The following FXYD1 variants were observed in gnomAD, a reference collection of about 807,000 sequenced individuals.
FXYD1 encodes FXYD domain containing ion transport regulator 1.
FXYD1 carries 9 observed loss-of-function variants against 17.2 expected under a neutral mutation model. The observed-to-expected ratio is 0.52, with a 90% CI of 0.32 to 0.91. FXYD1 has a LOEUF of 0.91. FXYD1 is among the 40% of genes least tolerant of loss of function. The pLI is 0.04. For missense variants in FXYD1, 113 were observed against 120.6 expected (o/e 0.94, Z 0.29); for synonymous variants, 55 against 45.8 (o/e 1.20, Z -0.81).
At chr19:35,141,281 GCCCCGCCTCTCCCTAGCCCCCCTC>G in intron 4 of FXYD1, 75 bp downstream of exon 4, 1 of 323,006 alleles carries the variant, frequency 3.1e-6, no homozygotes, top group Non-Finnish European at 4.9e-6. Context: ...CCTCTCCCTG[GCCCCGCCTCTCCCTAGCCCCCCTC>G]TCCCTGGCCC....
In FXYD1 at chr19:35,142,736, G is replaced by A. The variant is rs1455384849; in HGVS notation, c.273G>A (p.Arg91=). 6.2e-7 allele frequency: 1 copy of A among 1,613,614 alleles called. No individual in the cohort carries two copies. Among genetic ancestry groups the A allele is most frequent in the Non-Finnish European group, 8.5e-7 (1 of 1,179,860 alleles). Residue 91 remains arginine, a synonymous_variant, in exon 7 of 8, where the codon AGG becomes AGA. Transcript: ENST00000351325. ...RSSIRRLSTR[R]R ...TCCCCCCAGGTCTGTCCACCCGCAG[G>A]CGGTAGAAACACCTGGAGCGATGGA...
In FXYD1 at chr19:35,142,387, G is replaced by A. The variant is rs527423007; in HGVS notation, c.207-85G>A. ...TCTGGGCCTAGTTACACCAATCTGGGAAAGGAGGCTTGTACTGGGGGGTTC... is the reference window on the plus strand; with the variant it reads ...TCTGGGCCTAGTTACACCAATCTGGAAAAGGAGGCTTGTACTGGGGGGTTC... On this transcript the variant is annotated intron_variant, in intron 5 of 7. Transcript: ENST00000351325. 1.2e-5 allele frequency: 13 copies of A among 1,051,912 alleles called. No individual in the cohort carries two copies. The African/African-American group carries it at 2.1e-4, about 17-fold the overall frequency. 65.2% of individuals were successfully genotyped at this position (1,051,912 alleles called of 1,614,324 possible).
At chr19:35,141,709 C>T (rs748194734) in intron 5 of FXYD1, 137 bp downstream of exon 5, 213 of 682,458 alleles carry the variant, frequency 3.1e-4, no homozygotes, top group Admixed American at 1.4e-3. Flanking sequence ...TGCCATGGCC[C>T]AAGCCTGGCC....
chr19:35,141,060 T>A, intron 3 of FXYD1, 72 bp from the exon 4 acceptor site: 1 of 919,028 alleles, frequency 1.1e-6, no homozygotes, highest in Non-Finnish European at 1.8e-6. Context: ...GTTCCCTCCT[T>A]CCCAATTTAC....
At position 35,140,637 on chromosome 19, in the gene FXYD1, G is replaced by C. The variant is rs749504703; in HGVS notation, c.94+8G>C. On this transcript the variant is annotated splice_region_variant and intron_variant, in intron 3 of 7. Coordinates refer to ENST00000351325, the MANE Select transcript of FXYD1 (RefSeq NM_021902.4). Reference sequence around the variant, plus strand: ...ACGACCCGTTCACTTACGGTGAGCGGGGGGTCTAATTTTGAGTCCTGGGGG... The same window carrying C: ...ACGACCCGTTCACTTACGGTGAGCGCGGGGTCTAATTTTGAGTCCTGGGGG... 1 of 1,613,160 alleles carries C rather than the reference G, an allele frequency of 6.2e-7. No individual in the cohort carries two copies. The highest frequency in any genetic ancestry group is 8.5e-7 in the Non-Finnish European group (1 of 1,179,412).
chr19:35,139,377 A>G (rs770840261), intron 1 of FXYD1: 1 of 152,290 alleles, frequency 6.6e-6, no homozygotes, highest in Non-Finnish European at 1.5e-5. Flanking sequence ...CTGACATCCG[A>G]TTGTGAAAGA....
upstream of FXYD1, chr19:35,137,872 C>T (rs1252773525): frequency 6.6e-6 from 1 of 152,238 alleles, no homozygotes; most frequent in Non-Finnish European, 1.5e-5. Context: ...CTCAAGTGAT[C>T]CTCCCGCCTT....
chr19:35,142,183 C>A, intron 5 of FXYD1: 1 of 359,458 alleles, frequency 2.8e-6, no homozygotes, highest in East Asian at 4.7e-5. Context: ...CAACCCAGGC[C>A]ATCTCATGGC....
chr19:35,142,440 A>C (rs772823247), intron 5 of FXYD1, 32 bp from the exon 6 acceptor site: 1 of 1,575,688 alleles, frequency 6.3e-7, no homozygotes, highest in South Asian at 1.1e-5. Context: ...CCCCCTTTCC[A>C]TCCCGAAATC....
chr19:35,139,861 GTGT>G, intron 1 of FXYD1: 1 of 542,068 alleles, frequency 1.8e-6, no homozygotes, highest in Non-Finnish European at 3.4e-6. Flanking sequence ...CTGCTACGTT[GTGT>G]TGTTGTGTGA....
At chr19:35,142,121 A>C in intron 5 of FXYD1, 1 of 273,878 alleles carries the variant, frequency 3.7e-6, no homozygotes, top group Non-Finnish European at 6.8e-6. Flanking sequence ...CAGGGAGGTA[A>C]AGTCACTTTG....
At chr19:35,137,976 A>T (rs966055461), upstream of FXYD1, 2 of 152,236 alleles carry the variant, frequency 1.3e-5, no homozygotes, top group Admixed American at 1.3e-4. Context: ...CGGTGTGCAC[A>T]TACTTGTGTG....
At chr19:35,139,024 G>A (rs1369971931) in intron 1 of FXYD1, 130 bp downstream of exon 1, 2 of 152,408 alleles carry the variant, frequency 1.3e-5, no homozygotes, top group African/African-American at 4.8e-5. Flanking sequence ...GTGTGGTTGA[G>A]GCAGTGGGTT....
chr19:35,138,940 G>T (rs2065225789), intron 1 of FXYD1, 46 bp downstream of exon 1: 1 of 152,390 alleles, frequency 6.6e-6, no homozygotes, highest in Non-Finnish European at 1.5e-5. Flanking sequence ...CCCTGGTCTG[G>T]CTGGGCCGCC....
chr19:35,141,957 G>GA (rs1378462025), intron 5 of FXYD1, among the ~76,000 whole-genome samples: 3 of 152,254 alleles, frequency 2.0e-5, no homozygotes, highest in Non-Finnish European at 4.4e-5. Flanking sequence ...TTAAAGCATG[G>GA]ACAATGTATG....
intron 3 of FXYD1, 95 bp downstream of exon 3, chr19:35,140,724 T>A (rs1373401418): frequency 1.0e-6 from 1 of 984,018 alleles, no homozygotes; most frequent in Non-Finnish European, 1.6e-6. Flanking sequence ...CCAGTATTGA[T>A]ATCTCTGTCA....
At chr19:35,139,261 CTGTGTGTGTGTGTGTG>C (rs56256016) in intron 1 of FXYD1, 2 of 146,328 alleles carry the variant, frequency 1.4e-5, no homozygotes, top group Admixed American at 6.8e-5. Flanking sequence ...TCCGGCCCCA[CTGTGTGTGTGTGTGTG>C]TGTGTGTGTG....
chr19:35,138,218 T>C (rs1215181628), upstream of FXYD1: 3 of 152,354 alleles, frequency 2.0e-5, no homozygotes, highest in Non-Finnish European at 4.4e-5. Context: ...TCTATCAGTG[T>C]GTCATTCTGT....
chr19:35,141,019 C>G (rs1196931699), intron 3 of FXYD1, 113 bp from the exon 4 acceptor site: 2 of 658,898 alleles, frequency 3.0e-6, no homozygotes, highest in Non-Finnish European at 5.5e-6. Context: ...TATCTTACTT[C>G]CCCCCTTCTG....
Sources: gnomAD v4.1 joint callset for allele counts (sites outside exome capture counted in the v4.1 genomes callset) on GRCh38, gnomAD v4.1.1 for gene constraint, MANE v1.5 for transcripts, NCBI Gene and HGNC (gene_info 2026-07-23, HGNC 2026-07-21) for gene names.